The following NRXN3 variants were observed in gnomAD, a reference collection of about 807,000 sequenced individuals.
NRXN3 encodes the protein neurexin III.
In NRXN3, 32 loss-of-function variants were observed where a neutral mutation model predicts 137.6. The ratio of observed to expected loss-of-function variants is 0.23; its 90% CI spans 0.18 to 0.31. The LOEUF is 0.31. NRXN3 is among the 10% of genes least tolerant of loss of function. The pLI is 1.00. For missense variants in NRXN3, 1,574 were observed against 2,062.5 expected, an observed-to-expected ratio of 0.76 and a Z score of 4.59; for synonymous variants, 798 against 784.5, an observed-to-expected ratio of 1.02 and a Z score of -0.29.
chr14:79,767,573 A>G (rs2099060301), intron 19 of NRXN3, among the ~76,000 whole-genome samples: 1 of 152,244 alleles, frequency 6.6e-6, no homozygotes, highest in South Asian at 2.1e-4. Flanking sequence ...TACCATCATT[A>G]TTAAATCAGC....
At chr14:78,197,846 G>GA (rs1385434713) in intron 1 of NRXN3, among the ~76,000 whole-genome samples, 1 of 152,184 alleles carries the variant, frequency 6.6e-6, no homozygotes, top group Non-Finnish European at 1.5e-5. Flanking sequence ...GTCCATGGGG[G>GA]ATGTAGCTGT....
intron 6 of NRXN3, among the ~76,000 whole-genome samples, chr14:78,703,002 C>T (rs1670171369): frequency 6.6e-6 from 1 of 152,130 alleles, no homozygotes; most frequent in South Asian, 2.1e-4. Context: ...CAATGTAACA[C>T]AGTTGGTAAG....
At chr14:78,397,176 A>G (rs2091546080) in intron 4 of NRXN3, among the ~76,000 whole-genome samples, 1 of 152,104 alleles carries the variant, frequency 6.6e-6, no homozygotes, top group Non-Finnish European at 1.5e-5. Context: ...GCACTTTACT[A>G]ATCTTCTTGA....
intron 15 of NRXN3, among the ~76,000 whole-genome samples, chr14:79,049,639 T>C (rs183971648): frequency 9.2e-5 from 14 of 152,308 alleles, no homozygotes; most frequent in African/African-American, 3.1e-4. Context: ...ACTTTGCCCA[T>C]ATCCAACAGA....
At chr14:78,575,345 A>G (rs1345457962) in intron 4 of NRXN3, among the ~76,000 whole-genome samples, 1 of 152,208 alleles carries the variant, frequency 6.6e-6, no homozygotes, top group Non-Finnish European at 1.5e-5. Context: ...GCAGGTTTTC[A>G]GGAGAAAATC....
At chr14:78,729,344 C>G (rs1200283252) in intron 8 of NRXN3, among the ~76,000 whole-genome samples, 1 of 152,130 alleles carries the variant, frequency 6.6e-6, no homozygotes, top group Non-Finnish European at 1.5e-5. Context: ...GGATTAGGTA[C>G]TGTGGGAGGG....
chr14:78,291,128 C>G (rs1166702716), intron 3 of NRXN3, among the ~76,000 whole-genome samples: 1 of 152,138 alleles, frequency 6.6e-6, no homozygotes, highest in Non-Finnish European at 1.5e-5. Context: ...GATATGTCTC[C>G]TTTCTTCTCC....
intron 15 of NRXN3, 103 bp from the exon 16 acceptor site, chr14:79,467,118 A>C: frequency 1.8e-6 from 2 of 1,142,730 alleles, no homozygotes; most frequent in South Asian, 2.0e-5. Context: ...CATGGGGGAC[A>C]TTTCCTCTCT....
chr14:78,344,358 A>G (rs946027678), intron 4 of NRXN3, among the ~76,000 whole-genome samples: 2 of 152,204 alleles, frequency 1.3e-5, no homozygotes, highest in African/African-American at 4.8e-5. Context: ...AGCAGTCAGC[A>G]TTTACCTCCA....
chr14:78,908,102 G>GT lies in NRXN3; in HGVS notation c.2276-49139dup, dbSNP rs367722375. ...TATTGTGAACAGTGCTGCAGTGAAC[G>GT]TAAGTGTGCATCTGTCTTTTGATAA... On this transcript the variant is annotated intron_variant, in intron 10 of 20. Coordinates refer to ENST00000335750, the MANE Select transcript of NRXN3 (RefSeq NM_001330195.2). 5.9e-4 allele frequency among the ~76,000 whole-genome samples: 90 copies of GT among 152,042 alleles called. 1 individual carries two copies. Among genetic ancestry groups the GT allele is most frequent in the African/African-American group, 2.0e-3 (83 of 41,510 alleles).
At chr14:78,769,495 C>T (rs1358869726) in intron 8 of NRXN3, among the ~76,000 whole-genome samples, 1 of 152,182 alleles carries the variant, frequency 6.6e-6, no homozygotes, top group Non-Finnish European at 1.5e-5. Context: ...TCCTGAGCTA[C>T]CCTGTGATTG....
intron 10 of NRXN3, among the ~76,000 whole-genome samples, chr14:78,895,790 T>C (rs1267900555): frequency 6.6e-6 from 1 of 151,850 alleles, no homozygotes; most frequent in Non-Finnish European, 1.5e-5. Flanking sequence ...CTAATTTCTA[T>C]ATTATTGTGT....
At chr14:79,409,918 A>G (rs1333257709) in intron 15 of NRXN3, among the ~76,000 whole-genome samples, 1 of 151,528 alleles carries the variant, frequency 6.6e-6, no homozygotes, top group Non-Finnish European at 1.5e-5. Context: ...ATTAATTACA[A>G]CCACAGAACT....
At chr14:78,807,734 C>CAAAAAAAAAAAAAAAA (rs144921592) in intron 9 of NRXN3, among the ~76,000 whole-genome samples, 1 of 111,726 alleles carries the variant, frequency 9.0e-6, no homozygotes, top group African/African-American at 3.2e-5. Flanking sequence ...GATTCTGTCT[C>CAAAAAAAAAAAAAAAA]AAAAAAAAAA....
intron 10 of NRXN3, among the ~76,000 whole-genome samples, chr14:78,813,276 C>T (rs527843767): frequency 1.4e-4 from 22 of 152,254 alleles, no homozygotes; most frequent in Admixed American, 5.9e-4. Context: ...CTACATGATC[C>T]GAACTTCTAA....
chr14:79,813,800 A>G (rs1202450707), intron 20 of NRXN3, among the ~76,000 whole-genome samples: 1 of 152,068 alleles, frequency 6.6e-6, no homozygotes, highest in Non-Finnish European at 1.5e-5. Context: ...TTTCCCCTTT[A>G]TGACAATGTA....
At chr14:78,319,906 A>T (rs2079130378) in intron 4 of NRXN3, among the ~76,000 whole-genome samples, 1 of 152,246 alleles carries the variant, frequency 6.6e-6, no homozygotes, top group African/African-American at 2.4e-5. Flanking sequence ...AACAAAGCAG[A>T]TAGTTAAGTC....
chr14:79,743,898 G>C (rs2098970843), intron 19 of NRXN3, among the ~76,000 whole-genome samples: 1 of 152,134 alleles, frequency 6.6e-6, no homozygotes, highest in African/African-American at 2.4e-5. Flanking sequence ...TTATATGTAA[G>C]CATATGTATA....
At chr14:79,775,948 C>T (rs915442367) in intron 19 of NRXN3, among the ~76,000 whole-genome samples, 14 of 152,052 alleles carry the variant, frequency 9.2e-5, no homozygotes, top group Admixed American at 5.9e-4. Flanking sequence ...CATTGTAGTC[C>T]CACATCCTAG....
Sources: allele counts gnomAD v4.1 joint callset (sites outside exome capture counted in the v4.1 genomes callset), GRCh38; gene constraint gnomAD v4.1.1; transcripts MANE v1.5; gene names NCBI Gene and HGNC (gene_info 2026-07-23, HGNC 2026-07-21).